ENG: variants seen among roughly 807,000 people sequenced by gnomAD.
ENG encodes the protein endoglin, also known as CD105 antigen.
A neutral mutation model predicts 71.0 loss-of-function variants in ENG; 17 were observed. The observed-to-expected ratio is 0.24, with a 90% CI of 0.16 to 0.36. The LOEUF is 0.36. Ranked by LOEUF, ENG falls within the 10% of genes least tolerant of loss-of-function variation. The pLI, the probability that ENG is intolerant of heterozygous loss-of-function variation, is 1.00. For missense variants in ENG, 749 were observed against 868.3 expected (o/e 0.86, Z 1.73); for synonymous variants, 360 against 366.9 (o/e 0.98, Z 0.21).
At chr9:127,819,237 CTTT>C (rs757591987) in intron 10 of ENG, 41 of 268,910 alleles carry the variant, frequency 1.5e-4, no homozygotes, top group Admixed American at 4.6e-4. Context: ...GCGCCCGGCC[CTTT>C]TTTTTTTTTT....
Position 127,815,943 on chromosome 9 carries a change from G to A in ENG, c.1852C>T (p.Arg618Cys), listed in dbSNP as rs1346184000. 1.9e-6 allele frequency: 3 copies of A among 1,595,074 alleles called. No individual in the cohort carries two copies. The highest frequency in any genetic ancestry group is 1.1e-5 in the South Asian group (1 of 88,122). ...CACTGTGGGGGCCTGGGGTACTCAC[G>A]CGTGTGCGAGTAGATGTACCAGAGT... ...AALWYIYSHT[R>C]SPSKREPVVA... Residue 618 changes from arginine to cysteine, a missense_variant and splice_region_variant, in exon 14 of 15, where the codon CGT becomes TGT. Transcript: ENST00000373203.
intron 2 of ENG, chr9:127,841,140 G>A (rs1368462703): frequency 6.6e-6 from 1 of 152,416 alleles, no homozygotes; most frequent in African/African-American, 2.4e-5. Context: ...CATCCATGAT[G>A]TTTCTTCCTC....
At position 127,825,841 on chromosome 9, in the gene ENG, G is replaced by A. The variant is rs754295254; in HGVS notation, c.543C>T (p.Phe181=). The change falls in exon 5 of 15, where the codon TTC becomes TTT. Residue 181 remains phenylalanine (F), a synonymous_variant. Transcript: ENST00000373203. Reference sequence around the variant, plus strand: ...TGTCCTGGCTGGCTTCCAGCATGCAGAAGGACAGTGACCCCTGGGCTGCAG... The same window carrying A: ...TGTCCTGGCTGGCTTCCAGCATGCAAAAGGACAGTGACCCCTGGGCTGCAG... ...RLGQAQGSLS[F]CMLEASQDMG... 1 of 1,595,068 alleles carries A rather than the reference G, an allele frequency of 6.3e-7. No individual in the cohort carries two copies.
chr9:127,817,322 C>G (rs1426180092), intron 12 of ENG, 119 bp from the exon 13 acceptor site: 13 of 973,244 alleles, frequency 1.3e-5, no homozygotes, highest in South Asian at 2.7e-5. Context: ...ATCTCCACCG[C>G]TTCGTAGCTG....
chr9:127,846,467 C>T lies in ENG; in HGVS notation c.68-3222G>A, dbSNP rs925612602. ...TCCTTCCCTTTGGGACTTTCCCTGC[C>T]CCCTCCCCAGACTTCCAGGAACCCC... On this transcript the variant is annotated intron_variant, in intron 1 of 14. Coordinates refer to ENST00000373203, the MANE Select transcript of ENG (RefSeq NM_001114753.3). The surrounding 1 kb of genome is among the most constrained non-coding windows in gnomAD (Gnocchi z 5.5). 6.6e-6 allele frequency among the ~76,000 whole-genome samples: 1 copy of T among 152,202 alleles called. No homozygotes were observed. The highest frequency in any genetic ancestry group is 1.9e-4 in the East Asian group (1 of 5,196).
intron 1 of ENG, 58 bp from the exon 2 acceptor site, chr9:127,843,303 C>A: frequency 6.2e-7 from 1 of 1,612,074 alleles, no homozygotes; most frequent in Non-Finnish European, 8.5e-7. Context: ...ACAATGACTC[C>A]TACTTTCCAA....
At chr9:127,839,586 TGCTCTGTC>T (rs1830979310) in intron 2 of ENG, among the ~76,000 whole-genome samples, 1 of 152,164 alleles carries the variant, frequency 6.6e-6, no homozygotes, top group African/African-American at 2.4e-5. Flanking sequence ...GACAGGGTCT[TGCTCTGTC>T]GCTCAGGCTG....
chr9:127,853,374 C>T (rs571799722), intron 1 of ENG, among the ~76,000 whole-genome samples: 2 of 152,306 alleles, frequency 1.3e-5, no homozygotes, highest in Admixed American at 1.3e-4. Flanking sequence ...CCTGGATGCA[C>T]AGGTGGGTCA....
At chr9:127,830,888 C>T (rs936366523) in intron 2 of ENG, among the ~76,000 whole-genome samples, 23 of 152,004 alleles carry the variant, frequency 1.5e-4, no homozygotes, top group African/African-American at 5.3e-4. Context: ...CTTGTCTTAC[C>T]GTTTTAAAGT....
chr9:127,835,893 A>G (rs1385205386), intron 2 of ENG, among the ~76,000 whole-genome samples: 4 of 152,176 alleles, frequency 2.6e-5, no homozygotes, highest in African/African-American at 9.7e-5. Flanking sequence ...CTCACGAACC[A>G]AAGCTACCAC....
chr9:127,826,960 T>C (rs1251018993), intron 3 of ENG: 3 of 443,192 alleles, frequency 6.8e-6, no homozygotes, highest in Non-Finnish European at 1.3e-5. Flanking sequence ...AACCCACATC[T>C]ACGCCATCCT....
rs199651657 is a variant in ENG, at chr9:127,836,109, C to T, written c.220-6282G>A. 2.2e-4 allele frequency among the ~76,000 whole-genome samples: 33 copies of T among 152,332 alleles called. No individual in the cohort carries two copies. In the East Asian group the frequency reaches 4.1e-3, roughly 19 times the overall value. On this transcript the variant is annotated intron_variant, in intron 2 of 14. Transcript: ENST00000373203. The surrounding 1 kb of genome is among the most constrained non-coding windows in gnomAD (Gnocchi z 4.0). The stretch of plus-strand genomic sequence containing the variant: ...TTCCCTCCCCACGGCCCTGACTCAC[C>T]GCCACGGCCACTCACACGCACACCG...
chr9:127,819,258 A>C, intron 10 of ENG: 1 of 318,856 alleles, frequency 3.1e-6, no homozygotes, highest in Non-Finnish European at 6.0e-6. Flanking sequence ...TTTTAAACTA[A>C]TATTTATCAA....
intron 1 of ENG, among the ~76,000 whole-genome samples, chr9:127,843,749 ATATATATTTTTTTTTTTTTTTT>A (rs1831102596): frequency 1.5e-4 from 2 of 13,702 alleles, no homozygotes; most frequent in Non-Finnish European, 2.7e-4. Flanking sequence ...ATATATATAT[ATATATATTTTTTTTTTTTTTTT>A]TTTTTTTTTT....
At chr9:127,828,623 TCC>T (rs1470511577) in intron 3 of ENG, among the ~76,000 whole-genome samples, 1 of 152,104 alleles carries the variant, frequency 6.6e-6, no homozygotes, top group East Asian at 1.9e-4. Flanking sequence ...GGACCTCGAT[TCC>T]CCTTCTGGGC....
At chr9:127,842,472 A>G (rs2131917177) in intron 2 of ENG, among the ~76,000 whole-genome samples, 1 of 150,558 alleles carries the variant, frequency 6.6e-6, no homozygotes, top group South Asian at 2.1e-4. Flanking sequence ...TCACCAGGCC[A>G]GAGTGCAGTG....
chr9:127,843,062 G>T (rs1831078050), intron 2 of ENG, 32 bp downstream of exon 2: 2 of 1,613,130 alleles, frequency 1.2e-6, no homozygotes, highest in Non-Finnish European at 1.7e-6. Context: ...CTTCCTCTGA[G>T]CCCCCACCCG....
Position 127,838,606 on chromosome 9 carries a change from G to A in ENG, c.219+4488C>T, listed in dbSNP as rs1384741168. ...AGCTGCCCCAAGTTTGCCCAGGAGTGGGTGAATCAGTGCTGACCCAGCTCT... is the reference window on the plus strand; with the variant it reads ...AGCTGCCCCAAGTTTGCCCAGGAGTAGGTGAATCAGTGCTGACCCAGCTCT... On this transcript the variant is annotated intron_variant, in intron 2 of 14. Transcript: ENST00000373203. This position sits in a 1 kb window ranked among gnomAD's most constrained non-coding sequence, Gnocchi z 4.3. 2.6e-5 allele frequency among the ~76,000 whole-genome samples: 4 copies of A among 152,204 alleles called. No individual in the cohort carries two copies. The highest frequency in any genetic ancestry group is 7.2e-5 in the African/African-American group (3 of 41,440).
At chr9:127,820,778 G>A (rs1461504704) in intron 8 of ENG, among the ~76,000 whole-genome samples, 1 of 151,442 alleles carries the variant, frequency 6.6e-6, no homozygotes, top group African/African-American at 2.4e-5. Flanking sequence ...GCAGTGAGCC[G>A]AGATCGCACC....
Sources: allele counts gnomAD v4.1 joint callset (sites outside exome capture counted in the v4.1 genomes callset), GRCh38; gene constraint gnomAD v4.1.1; non-coding constraint Gnocchi (gnomAD v3.1); transcripts MANE v1.5; gene names NCBI Gene and HGNC (gene_info 2026-07-23, HGNC 2026-07-21).